Variants in TMOD2 observed in about 807,000 individuals in gnomAD.
The protein encoded by TMOD2 is tropomodulin 2, also known as tropomodulin-2.
TMOD2 carries 22 observed loss-of-function variants against 39.9 expected under a neutral mutation model. That is an observed-to-expected ratio of 0.55 (90% CI 0.39 to 0.79). TMOD2 has a LOEUF of 0.79. Ranked by LOEUF, TMOD2 falls within the 30% of genes least tolerant of loss-of-function variation. TMOD2 has a pLI of 0.00. For synonymous variants in TMOD2, 123 were observed against 146.1 expected (o/e 0.84, Z 1.14); for missense variants, 386 against 413.3 (o/e 0.93, Z 0.57).
At chr15:51,762,503 G>A (rs1326791338) in intron 1 of TMOD2, among the ~76,000 whole-genome samples, 1 of 152,076 alleles carries the variant, frequency 6.6e-6, no homozygotes. Context: ...AGCTGTTTTC[G>A]ACTTCCACAT....
intron 8 of TMOD2, among the ~76,000 whole-genome samples, chr15:51,802,714 A>G (rs1157894022): frequency 6.6e-6 from 1 of 152,174 alleles, no homozygotes; most frequent in Non-Finnish European, 1.5e-5. Flanking sequence ...GTCATTTGCT[A>G]AAGTTGCTCA....
At chr15:51,789,556 C>T (rs148276443) in intron 7 of TMOD2, among the ~76,000 whole-genome samples, 5 of 152,300 alleles carry the variant, frequency 3.3e-5, no homozygotes, top group Admixed American at 1.3e-4. Flanking sequence ...ACAGAATGTA[C>T]GTTCTTCTCA....
chr15:51,789,601 T>G lies in TMOD2; in HGVS notation c.732+6773T>G, dbSNP rs139093221. 9.3e-3 allele frequency among the ~76,000 whole-genome samples: 1,422 copies of G among 152,288 alleles called. 22 individuals carry two copies. The highest frequency in any genetic ancestry group is 0.033 in the African/African-American group (1,371 of 41,556). On this transcript the variant is annotated intron_variant, in intron 7 of 9. Coordinates refer to ENST00000249700, the MANE Select transcript of TMOD2 (RefSeq NM_014548.4). ...CGCACTTACTCTAAAACTGACCACA[T>G]AATTGGAAGTGAAACACTCCTCAGC...
At chr15:51,754,162 T>C (rs2652596) in intron 1 of TMOD2, among the ~76,000 whole-genome samples, 148,008 of 152,220 alleles carry the variant, frequency 0.97, 72,076 homozygotes, top group East Asian at 1. Context: ...TTAGTAATTC[T>C]CCATACCTAA....
At chr15:51,766,342 C>A in intron 1 of TMOD2, 31 bp from the exon 2 acceptor site, 5 of 1,175,580 alleles carry the variant, frequency 4.3e-6, no homozygotes, top group Non-Finnish European at 5.9e-6. Context: ...AACGGAGATT[C>A]TTTTTTATTG....
chr15:51,815,385 G>C lies in TMOD2; in HGVS notation c.*6931G>C, dbSNP rs2056182901. ...TTTTTTGTAGGCTCTTATTTAAAATGTGTGTGTGTGTGTGTATGTGTGTGT... is the reference window on the plus strand; with the variant it reads ...TTTTTTGTAGGCTCTTATTTAAAATCTGTGTGTGTGTGTGTATGTGTGTGT... On this transcript the variant is annotated 3_prime_UTR_variant, in exon 10 of 10. Transcript: ENST00000249700. 1.3e-5 allele frequency: 2 copies of C among 151,268 alleles called. No individual in the cohort carries two copies. The highest frequency in any genetic ancestry group is 6.6e-5 in the Admixed American group (1 of 15,172). 9.4% of individuals were successfully genotyped at this position (151,268 alleles called of 1,614,324 possible). A position where few individuals can be genotyped will look rare whatever the true frequency, so the allele number is the denominator to read the frequency against.
Position 51,768,325 on chromosome 15 carries a change from T to G in TMOD2, c.190T>G (p.Phe64Val), listed in dbSNP as rs1462049999. 6.2e-7 allele frequency: 1 copy of G among 1,614,162 alleles called. No homozygotes were observed. The highest frequency in any genetic ancestry group is 8.5e-7 in the Non-Finnish European group (1 of 1,180,022). The change falls in exon 3 of 10, where the codon TTT (phenylalanine) becomes GTT (valine). Residue 64 changes from phenylalanine (F) to valine (V), a missense_variant. Physicochemically the swap from Phe to Val is conservative, Grantham distance 50. Coordinates refer to ENST00000249700, the MANE Select transcript of TMOD2 (RefSeq NM_014548.4). ...DQTQKAATGP[F>V]DREHLLMYLE... is the part of the protein sequence containing the mutation. ...GACACAGAAGGCAGCCACCGGCCCC[T>G]TTGACCGCGAGCACCTCCTCATGTA...
chr15:51,801,081 G>A (rs2056084027), intron 8 of TMOD2, among the ~76,000 whole-genome samples: 1 of 152,130 alleles, frequency 6.6e-6, no homozygotes, highest in South Asian at 2.1e-4. Flanking sequence ...GCTCACACCT[G>A]TAATCCCAAT....
intron 7 of TMOD2, among the ~76,000 whole-genome samples, chr15:51,790,050 A>C (rs977931601): frequency 6.6e-6 from 1 of 152,198 alleles, no homozygotes; most frequent in African/African-American, 2.4e-5. Context: ...AAAACTCTTC[A>C]AAAAATCAAT....
intron 7 of TMOD2, among the ~76,000 whole-genome samples, chr15:51,786,920 G>C (rs1355305165): frequency 6.6e-6 from 1 of 152,246 alleles, no homozygotes; most frequent in Non-Finnish European, 1.5e-5. Flanking sequence ...CGACGCAGAA[G>C]ATGGGTGTTT....
chr15:51,762,453 G>A (rs981490205), intron 1 of TMOD2, among the ~76,000 whole-genome samples: 3 of 152,072 alleles, frequency 2.0e-5, no homozygotes, highest in East Asian at 3.8e-4. Flanking sequence ...GACTGAGACC[G>A]TGTCTCAAAA....
chr15:51,803,164 T>C (rs1290424239), intron 8 of TMOD2, among the ~76,000 whole-genome samples: 1 of 132,434 alleles, frequency 7.6e-6, no homozygotes, highest in Non-Finnish European at 1.6e-5. Context: ...GGTCTCTATA[T>C]CTTCTTTTTT....
intron 7 of TMOD2, among the ~76,000 whole-genome samples, chr15:51,797,372 C>A (rs1242437732): frequency 6.6e-6 from 1 of 152,220 alleles, no homozygotes; most frequent in Non-Finnish European, 1.5e-5. Context: ...TCTGCCCTAG[C>A]TGTTCCATCT....
At position 51,779,765 on chromosome 15, in the gene TMOD2, C is replaced by G. The variant is rs564434826; in HGVS notation, c.494-1279C>G. 3.3e-5 allele frequency among the ~76,000 whole-genome samples: 5 copies of G among 152,192 alleles called. No homozygotes were observed. The East Asian group carries it at 9.7e-4, about 29-fold the overall frequency. On this transcript the variant is annotated intron_variant, in intron 5 of 9. Coordinates refer to ENST00000249700, the MANE Select transcript of TMOD2 (RefSeq NM_014548.4). ...TCACTACCAAGGCTCACTGCAGCCT[C>G]AAACTCCTGGGATCAAGGGATTCTC...
chr15:51,753,587 G>T (rs2055722324), intron 1 of TMOD2, among the ~76,000 whole-genome samples: 1 of 152,120 alleles, frequency 6.6e-6, no homozygotes, highest in Non-Finnish European at 1.5e-5. Flanking sequence ...GATAGTTGGG[G>T]ATGTTTGAAT....
At chr15:51,770,219 A>G (rs2055843901) in intron 3 of TMOD2, among the ~76,000 whole-genome samples, 1 of 151,922 alleles carries the variant, frequency 6.6e-6, no homozygotes, top group South Asian at 2.1e-4. Flanking sequence ...TTCCTCTCTC[A>G]GGCTGGTCTT....
At chr15:51,787,968 C>T (rs903626160) in intron 7 of TMOD2, among the ~76,000 whole-genome samples, 4 of 152,204 alleles carry the variant, frequency 2.6e-5, no homozygotes, top group African/African-American at 9.7e-5. Flanking sequence ...CACAACTGCT[C>T]ACCAGCAAGG....
intron 1 of TMOD2, among the ~76,000 whole-genome samples, chr15:51,754,120 G>A (rs2055726279): frequency 6.6e-6 from 1 of 152,092 alleles, no homozygotes; most frequent in African/African-American, 2.4e-5. Context: ...TTATGCTTAA[G>A]TACCCCATCC....
At chr15:51,785,699 G>T (rs1467041297) in intron 7 of TMOD2, among the ~76,000 whole-genome samples, 2 of 152,100 alleles carry the variant, frequency 1.3e-5, no homozygotes, top group African/African-American at 4.8e-5. Context: ...ACAAAGAGAA[G>T]TTGGTTAAGA....
Sources: gnomAD v4.1 joint callset for allele counts (sites outside exome capture counted in the v4.1 genomes callset) on GRCh38, gnomAD v4.1.1 for gene constraint, MANE v1.5 for transcripts, NCBI Gene and HGNC (gene_info 2026-07-23, HGNC 2026-07-21) for gene names.